Variants in TRAPPC9 observed in about 807,000 individuals in gnomAD.
TRAPPC9 encodes the protein IKK2 binding protein.
In TRAPPC9, 83 loss-of-function variants were observed where a neutral mutation model predicts 124.0. That is an observed-to-expected ratio of 0.67 (90% CI 0.56 to 0.80). The LOEUF (loss-of-function observed/expected upper bound fraction) is 0.80, where lower values mean the gene tolerates loss of function less well. Ranked by LOEUF, TRAPPC9 falls within the 30% of genes least tolerant of loss-of-function variation. The pLI is 0.00. For synonymous variants in TRAPPC9, 638 were observed against 617.5 expected, an observed-to-expected ratio of 1.03 and a Z score of -0.49; for missense variants, 1,302 against 1,508.3, an observed-to-expected ratio of 0.86 and a Z score of 2.27.
In TRAPPC9 at chr8:140,074,425, C is replaced by T. The variant is rs201755532; in HGVS notation, c.2557-50346G>A. On this transcript the variant is annotated intron_variant, in intron 17 of 22. Coordinates refer to ENST00000438773, the MANE Select transcript of TRAPPC9 (RefSeq NM_001160372.4). ...GCATCCCCTTCCAGCTTTTCCCCGT[C>T]CCTCTTCCTCATCTCCAAAAGGGAG... 2.6e-5 allele frequency among the ~76,000 whole-genome samples: 4 copies of T among 152,360 alleles called. No individual in the cohort carries two copies. The East Asian group carries it at 7.7e-4, about 29-fold the overall frequency.
chr8:140,374,249 G>A (rs2068369233), intron 7 of TRAPPC9, among the ~76,000 whole-genome samples: 1 of 152,326 alleles, frequency 6.6e-6, no homozygotes, highest in Admixed American at 6.5e-5. Flanking sequence ...AGCAGCCAGG[G>A]ACGGGGTGGA....
chr8:140,032,068 C>T (rs531212603), intron 17 of TRAPPC9, among the ~76,000 whole-genome samples: 16 of 152,226 alleles, frequency 1.1e-4, no homozygotes, highest in African/African-American at 2.7e-4. Flanking sequence ...CCTGCACTTA[C>T]GCTCCAGCCA....
intron 11 of TRAPPC9, among the ~76,000 whole-genome samples, chr8:140,293,936 T>TAATG (rs1240674083): frequency 6.6e-6 from 1 of 152,110 alleles, no homozygotes; most frequent in African/African-American, 2.4e-5. Context: ...ACAGCTCCCC[T>TAATG]AATGCCTGCA....
chr8:139,987,654 T>C (rs1270189151), intron 19 of TRAPPC9, among the ~76,000 whole-genome samples: 1 of 152,144 alleles, frequency 6.6e-6, no homozygotes, highest in African/African-American at 2.4e-5. Flanking sequence ...TCTTCAGCAA[T>C]TAAAAATAAA....
At chr8:140,060,098 T>C (rs1842507974) in intron 17 of TRAPPC9, among the ~76,000 whole-genome samples, 1 of 152,206 alleles carries the variant, frequency 6.6e-6, no homozygotes, top group Non-Finnish European at 1.5e-5. Context: ...GTGTCAGGTC[T>C]CCTTTTGATT....
At chr8:140,329,239 G>A (rs1391081706) in intron 9 of TRAPPC9, among the ~76,000 whole-genome samples, 2 of 152,170 alleles carry the variant, frequency 1.3e-5, no homozygotes, top group African/African-American at 4.8e-5. Context: ...GACTCAAGAG[G>A]CCAAAAGGTG....
At chr8:139,893,303 C>T (rs1830461867) in intron 20 of TRAPPC9, among the ~76,000 whole-genome samples, 1 of 152,238 alleles carries the variant, frequency 6.6e-6, no homozygotes. Context: ...CCTTTTCAGG[C>T]TCTGTGCCCA....
At chr8:140,194,428 T>C (rs1232926974) in intron 17 of TRAPPC9, among the ~76,000 whole-genome samples, 1 of 152,242 alleles carries the variant, frequency 6.6e-6, no homozygotes, top group African/African-American at 2.4e-5. Context: ...GTAAATGCTA[T>C]GTAAATAGTT....
intron 21 of TRAPPC9, among the ~76,000 whole-genome samples, chr8:139,760,408 G>A (rs368064700): frequency 1.1e-4 from 16 of 152,076 alleles, no homozygotes; most frequent in Admixed American, 5.2e-4. Flanking sequence ...TGTCTCAGGC[G>A]GACAGAAAGT....
At chr8:140,169,630 C>T (rs28541892) in intron 17 of TRAPPC9, among the ~76,000 whole-genome samples, 129,282 of 152,164 alleles carry the variant, frequency 0.85, 55,070 homozygotes, top group East Asian at 1. Flanking sequence ...ACGGCATCTA[C>T]GAGCCTTGAG....
At chr8:140,299,152 T>A (rs972890131) in intron 11 of TRAPPC9, among the ~76,000 whole-genome samples, 3 of 151,746 alleles carry the variant, frequency 2.0e-5, no homozygotes, top group Admixed American at 1.3e-4. Flanking sequence ...AGGGGACGAG[T>A]TCCTGGCAAA....
At chr8:139,807,184 G>A (rs1174242704) in intron 21 of TRAPPC9, among the ~76,000 whole-genome samples, 1 of 152,220 alleles carries the variant, frequency 6.6e-6, no homozygotes, top group African/African-American at 2.4e-5. Flanking sequence ...TGTCTGTGGG[G>A]TGAGTAGGGG....
intron 14 of TRAPPC9, 68 bp downstream of exon 14, chr8:140,283,821 A>T: frequency 6.3e-7 from 1 of 1,597,928 alleles, no homozygotes; most frequent in Non-Finnish European, 8.6e-7. Context: ...CCATTAAAAA[A>T]AAAAAAAATG....
intron 21 of TRAPPC9, among the ~76,000 whole-genome samples, chr8:139,735,359 T>G (rs1262107565): frequency 1.3e-5 from 2 of 152,214 alleles, no homozygotes; most frequent in Non-Finnish European, 2.9e-5. Context: ...CCCAGTGCTG[T>G]TGGGGCAGCG....
chr8:140,279,127 A>G (rs1158359096), intron 14 of TRAPPC9, among the ~76,000 whole-genome samples: 1 of 152,180 alleles, frequency 6.6e-6, no homozygotes, highest in African/African-American at 2.4e-5. Flanking sequence ...TTAATACCAC[A>G]TCTTCTGTGA....
At chr8:140,364,074 G>A (rs570150340) in intron 8 of TRAPPC9, among the ~76,000 whole-genome samples, 4 of 152,152 alleles carry the variant, frequency 2.6e-5, no homozygotes, top group Non-Finnish European at 5.9e-5. Flanking sequence ...TGTGACCTGA[G>A]GATGACCGGG....
At chr8:139,783,308 A>T (rs1264181035) in intron 21 of TRAPPC9, among the ~76,000 whole-genome samples, 1 of 152,214 alleles carries the variant, frequency 6.6e-6, no homozygotes, top group East Asian at 1.9e-4. Context: ...CAGGAAAGGA[A>T]GGAAGACAGA....
At chr8:139,987,960 T>C (rs1837353941) in intron 19 of TRAPPC9, among the ~76,000 whole-genome samples, 1 of 152,172 alleles carries the variant, frequency 6.6e-6, no homozygotes, top group South Asian at 2.1e-4. Flanking sequence ...TAGTGCGGCC[T>C]CTCTTTGCCC....
chr8:140,289,368 G>C (rs1356250125), intron 12 of TRAPPC9, among the ~76,000 whole-genome samples: 1 of 152,160 alleles, frequency 6.6e-6, no homozygotes, highest in East Asian at 1.9e-4. Context: ...AGATGCAGCA[G>C]GCAAGGGTGG....
Sources: gnomAD v4.1 joint callset for allele counts (sites outside exome capture counted in the v4.1 genomes callset) on GRCh38, gnomAD v4.1.1 for gene constraint, MANE v1.5 for transcripts, NCBI Gene and HGNC (gene_info 2026-07-23, HGNC 2026-07-21) for gene names.